COX7B2: variants seen among roughly 807,000 people sequenced by gnomAD.
COX7B2 encodes cytochrome c oxidase subunit 7B2, mitochondrial.
For synonymous variants in COX7B2, 37 were observed against 32.1 expected (o/e 1.15, Z -0.51); for missense variants, 109 against 95.9 (o/e 1.14, Z -0.57).
Position 46,819,880 on chromosome 4 carries a change from A to T in COX7B2, c.-50+25080T>A, listed in dbSNP as rs562554377. 4.6e-5 allele frequency among the ~76,000 whole-genome samples: 7 copies of T among 152,344 alleles called. No homozygotes were observed. The East Asian group carries it at 1.3e-3, about 29-fold the overall frequency. On this transcript the variant is annotated intron_variant, in intron 2 of 2. Transcript: ENST00000355591. Reference sequence around the variant, plus strand: ...ATCCTTACTTGGGACTAGACAGGGAATCCTGATCTACTTAGATATGGATTA... The same window carrying T: ...ATCCTTACTTGGGACTAGACAGGGATTCCTGATCTACTTAGATATGGATTA...
intron 1 of COX7B2, among the ~76,000 whole-genome samples, chr4:46,889,715 T>G (rs1339259465): frequency 1.3e-5 from 2 of 152,136 alleles, no homozygotes; most frequent in East Asian, 1.9e-4. Context: ...AAAAGTCAAA[T>G]TCTCTCAGCT....
intron 1 of COX7B2, among the ~76,000 whole-genome samples, chr4:46,871,017 A>T (rs112959517): frequency 0.095 from 14,396 of 152,222 alleles, 808 homozygotes; most frequent in South Asian, 0.2. Context: ...GAACCAAAAA[A>T]AGAGCCTAAA....
intron 1 of COX7B2, among the ~76,000 whole-genome samples, chr4:46,859,842 T>C (rs976814193): frequency 2.0e-5 from 3 of 152,156 alleles, no homozygotes; most frequent in Non-Finnish European, 4.4e-5. Flanking sequence ...ACCCCTTAAT[T>C]TGCATGTAAT....
At chr4:46,761,766 G>A (rs1716158155) in intron 2 of COX7B2, among the ~76,000 whole-genome samples, 1 of 151,636 alleles carries the variant, frequency 6.6e-6, no homozygotes, top group Non-Finnish European at 1.5e-5. Flanking sequence ...AAAGTACTAG[G>A]GATTAAAAAT....
intron 1 of COX7B2, among the ~76,000 whole-genome samples, chr4:46,895,328 G>A (rs116216316): frequency 5.4e-4 from 82 of 152,232 alleles, no homozygotes; most frequent in Non-Finnish European, 9.9e-4. Flanking sequence ...ATGAGACCCT[G>A]TCTTTTGTGG....
At chr4:46,857,409 C>T (rs1717067838) in intron 1 of COX7B2, among the ~76,000 whole-genome samples, 1 of 152,152 alleles carries the variant, frequency 6.6e-6, no homozygotes, top group Non-Finnish European at 1.5e-5. Context: ...ATAATTTAAA[C>T]ATCAGTTTGC....
intron 1 of COX7B2, among the ~76,000 whole-genome samples, chr4:46,876,404 C>CTTTTTTT (rs1213695191): frequency 6.2e-5 from 8 of 128,098 alleles, no homozygotes; most frequent in Non-Finnish European, 8.3e-5. Context: ...GTCCTATTGT[C>CTTTTTTT]TTTTTTTTTT....
chr4:46,853,884 T>C (rs1030486955), intron 1 of COX7B2, among the ~76,000 whole-genome samples: 7 of 152,274 alleles, frequency 4.6e-5, no homozygotes, highest in Middle Eastern at 3.4e-3. Context: ...AACTTAAGTT[T>C]ACCACATGTA....
At chr4:46,755,203 T>C (rs1715710809) in intron 2 of COX7B2, among the ~76,000 whole-genome samples, 1 of 151,972 alleles carries the variant, frequency 6.6e-6, no homozygotes, top group Non-Finnish European at 1.5e-5. Context: ...ATCATCTCAG[T>C]AGATGAATAA....
Position 46,900,163 on chromosome 4 carries a change from G to A in COX7B2, c.-105+8997C>T, listed in dbSNP as rs567002200. 2.6e-4 allele frequency among the ~76,000 whole-genome samples: 39 copies of A among 152,148 alleles called. 1 individual carries two copies. In the South Asian group the frequency reaches 3.1e-3, roughly 12 times the overall value. On this transcript the variant is annotated intron_variant, in intron 1 of 2. Coordinates refer to ENST00000355591, the MANE Select transcript of COX7B2 (RefSeq NM_130902.3). ...ACTGGGATAGTTTACCTAGTTACTC[G>A]GTGAAAGCATAGAGCAGAAAATTCC...
intron 2 of COX7B2, among the ~76,000 whole-genome samples, chr4:46,787,587 T>C (rs1268588897): frequency 6.6e-6 from 1 of 152,174 alleles, no homozygotes; most frequent in Non-Finnish European, 1.5e-5. Flanking sequence ...AAATGGGAAC[T>C]GATAAAGTAT....
chr4:46,823,700 A>C (rs913912359), intron 2 of COX7B2, among the ~76,000 whole-genome samples: 6 of 151,944 alleles, frequency 3.9e-5, no homozygotes, highest in Non-Finnish European at 8.8e-5. Context: ...AAAAATTGAA[A>C]AAAATGGTAG....
At chr4:46,905,000 A>C (rs1720289464) in intron 1 of COX7B2, among the ~76,000 whole-genome samples, 1 of 152,196 alleles carries the variant, frequency 6.6e-6, no homozygotes, top group Admixed American at 6.5e-5. Flanking sequence ...GCCTAAGTCT[A>C]CTTCTGCCAC....
intron 1 of COX7B2, among the ~76,000 whole-genome samples, chr4:46,896,348 G>A (rs556234500): frequency 6.6e-6 from 1 of 152,230 alleles, no homozygotes; most frequent in Admixed American, 6.5e-5. Context: ...TATCACTGTA[G>A]CAGTTATGCT....
intron 2 of COX7B2, among the ~76,000 whole-genome samples, chr4:46,803,700 C>T (rs1718792154): frequency 1.3e-5 from 2 of 148,230 alleles, no homozygotes; most frequent in Admixed American, 6.7e-5. Context: ...ATTGTTGTTG[C>T]TCATTGGCTT....
chr4:46,897,147 C>T (rs932032596), intron 1 of COX7B2, among the ~76,000 whole-genome samples: 2 of 152,100 alleles, frequency 1.3e-5, no homozygotes, highest in Non-Finnish European at 2.9e-5. Flanking sequence ...GGGGCACAGA[C>T]AACAGAACCA....
intron 2 of COX7B2, among the ~76,000 whole-genome samples, chr4:46,740,973 A>G (rs1008000948): frequency 1.3e-5 from 2 of 152,100 alleles, no homozygotes; most frequent in Non-Finnish European, 2.9e-5. Context: ...AGGTCAAAGC[A>G]TACATAATTA....
At chr4:46,871,805 G>T (rs1483212574) in intron 1 of COX7B2, among the ~76,000 whole-genome samples, 1 of 151,474 alleles carries the variant, frequency 6.6e-6, no homozygotes, top group Non-Finnish European at 1.5e-5. Flanking sequence ...AGTCAAAATG[G>T]CTATTAAAAA....
At chr4:46,780,887 C>T (rs553696589) in intron 2 of COX7B2, among the ~76,000 whole-genome samples, 12 of 152,272 alleles carry the variant, frequency 7.9e-5, no homozygotes, top group South Asian at 2.1e-4. Flanking sequence ...CTTCACAAAA[C>T]GAAGTCATTT....
Sources: allele counts gnomAD v4.1 joint callset (sites outside exome capture counted in the v4.1 genomes callset), GRCh38; gene constraint gnomAD v4.1.1; transcripts MANE v1.5; gene names NCBI Gene and HGNC (gene_info 2026-07-23, HGNC 2026-07-21).